ENTREP2: variants seen among roughly 807,000 people sequenced by gnomAD.
ENTREP2 encodes endosomal transmembrane epsin interactor 2.
the ENTREP2 span, among the ~76,000 whole-genome samples, chr15:29,194,872 C>T: frequency 2.0e-5 from 3 of 152,220 alleles, no homozygotes; most frequent in Non-Finnish European, 4.4e-5. Flanking sequence ...AACCAGCCAA[C>T]TGAGGAACGG....
the ENTREP2 span, among the ~76,000 whole-genome samples, chr15:29,238,799 G>C: frequency 6.6e-6 from 1 of 152,210 alleles, no homozygotes; most frequent in Middle Eastern, 3.4e-3. Context: ...ACAGAGAGGA[G>C]CGAGGTGCTA....
chr15:29,572,199 G>C, the ENTREP2 span, among the ~76,000 whole-genome samples: 1 of 152,214 alleles, frequency 6.6e-6, no homozygotes, highest in Non-Finnish European at 1.5e-5. Flanking sequence ...ATGGCCAAGG[G>C]ATGAACAGGG....
chr15:29,577,349 T>TGTGTGAGA, the ENTREP2 span, among the ~76,000 whole-genome samples: 10 of 144,454 alleles, frequency 6.9e-5, no homozygotes, highest in African/African-American at 2.3e-4. Context: ...TGTGTGTGTG[T>TGTGTGAGA]GAGAGAGAGA....
chr15:29,299,244 C>T, the ENTREP2 span, among the ~76,000 whole-genome samples: 2 of 152,186 alleles, frequency 1.3e-5, no homozygotes, highest in African/African-American at 4.8e-5. Context: ...TAACAAACTC[C>T]TTCGGCCTCA....
At chr15:29,612,783 C>T in the ENTREP2 span, 1,927 of 176,948 alleles carry the variant, frequency 0.011, 14 homozygotes, top group Middle Eastern at 0.019. Context: ...AACCTGGGAT[C>T]ATGGACTCTG....
At chr15:29,596,303 A>G in the ENTREP2 span, among the ~76,000 whole-genome samples, 1 of 152,164 alleles carries the variant, frequency 6.6e-6, no homozygotes, top group Non-Finnish European at 1.5e-5. Flanking sequence ...TGAATGCTTC[A>G]CCTCTAATCC....
At chr15:29,560,646 G>C in the ENTREP2 span, among the ~76,000 whole-genome samples, 1 of 152,084 alleles carries the variant, frequency 6.6e-6, no homozygotes, top group South Asian at 2.1e-4. Context: ...GATGCTCTGA[G>C]ACTGGGCTAC....
chr15:29,595,348 G>A, the ENTREP2 span, among the ~76,000 whole-genome samples: 1 of 152,156 alleles, frequency 6.6e-6, no homozygotes, highest in African/African-American at 2.4e-5. Flanking sequence ...GCTCCCAAAT[G>A]TTCCATACCC....
At chr15:29,379,164 G>A in the ENTREP2 span, among the ~76,000 whole-genome samples, 1 of 152,180 alleles carries the variant, frequency 6.6e-6, no homozygotes, top group African/African-American at 2.4e-5. Context: ...CTCATGACAG[G>A]CTCTCCTGAA....
At chr15:29,634,722 C>T in the ENTREP2 span, among the ~76,000 whole-genome samples, 5 of 152,332 alleles carry the variant, frequency 3.3e-5, no homozygotes, top group South Asian at 4.1e-4. Context: ...GAACTCCTGC[C>T]TGACTGGCTT....
chr15:29,457,727 GA>G, the ENTREP2 span, among the ~76,000 whole-genome samples: 1 of 152,198 alleles, frequency 6.6e-6, no homozygotes, highest in Non-Finnish European at 1.5e-5. Context: ...CAAAACAGTC[GA>G]AAGTGTCACA....
chr15:29,489,305 G>A, the ENTREP2 span, among the ~76,000 whole-genome samples: 1 of 152,118 alleles, frequency 6.6e-6, no homozygotes. Context: ...ATGCTAACTG[G>A]GTGCTTGTAG....
chr15:29,480,519 G>A, the ENTREP2 span, among the ~76,000 whole-genome samples: 6 of 151,930 alleles, frequency 3.9e-5, no homozygotes, highest in Non-Finnish European at 8.8e-5. Flanking sequence ...ACTGGAGCAC[G>A]GTCACAGAAG....
At chr15:29,315,635 A>C in the ENTREP2 span, among the ~76,000 whole-genome samples, 3 of 152,192 alleles carry the variant, frequency 2.0e-5, no homozygotes, top group Non-Finnish European at 4.4e-5. Flanking sequence ...AAAACATGGA[A>C]TTCCTCTCTA....
chr15:29,173,288 G>A, the ENTREP2 span, among the ~76,000 whole-genome samples: 4 of 152,194 alleles, frequency 2.6e-5, no homozygotes, highest in Admixed American at 1.3e-4. Context: ...CCATGGGGCC[G>A]CTGCCTAGCC....
the ENTREP2 span, among the ~76,000 whole-genome samples, chr15:29,435,139 C>T: frequency 1.3e-5 from 2 of 152,130 alleles, no homozygotes; most frequent in African/African-American, 4.8e-5. Context: ...GCTTGACAAA[C>T]GTGTTTGCTT....
the ENTREP2 span, among the ~76,000 whole-genome samples, chr15:29,405,008 G>A: frequency 6.6e-6 from 1 of 152,098 alleles, no homozygotes; most frequent in Non-Finnish European, 1.5e-5. Context: ...TGGCAGGAGA[G>A]CTACTGTAAG....
chr15:29,177,696 G>A, the ENTREP2 span, among the ~76,000 whole-genome samples: 1 of 152,180 alleles, frequency 6.6e-6, no homozygotes, highest in South Asian at 2.1e-4. Context: ...GCCTGGGAAA[G>A]GTGCATAGGG....
the ENTREP2 span, among the ~76,000 whole-genome samples, chr15:29,651,585 C>G: frequency 6.6e-6 from 1 of 151,772 alleles, no homozygotes; most frequent in Admixed American, 6.6e-5. Flanking sequence ...CCTGGGAAGG[C>G]CCCCCATCTC....
Sources: allele counts gnomAD v4.1 joint callset (sites outside exome capture counted in the v4.1 genomes callset), GRCh38; gene constraint gnomAD v4.1.1; transcripts MANE v1.5; gene names NCBI Gene and HGNC (gene_info 2026-07-23, HGNC 2026-07-21).